The following CTNND2 variants were observed in gnomAD, a reference collection of about 807,000 sequenced individuals.
CTNND2 encodes catenin delta 2, also known as catenin delta-2.
CTNND2 carries 22 observed loss-of-function variants against 144.4 expected under a neutral mutation model. That is an observed-to-expected ratio of 0.15 (90% confidence interval 0.11 to 0.22). The LOEUF (loss-of-function observed/expected upper bound fraction) is 0.22. CTNND2 is among the 10% of genes least tolerant of loss of function. The probability of loss-of-function intolerance (pLI) is 1.00; values close to 1 mark genes in which losing one functional copy is unlikely to be tolerated. For missense variants in CTNND2, 1,353 were observed against 1,618.8 expected (o/e 0.84, Z 2.82); for synonymous variants, 751 against 695.6 (o/e 1.08, Z -1.25).
chr5:11,335,133 T>C (rs1327985444), intron 9 of CTNND2, among the ~76,000 whole-genome samples: 1 of 152,224 alleles, frequency 6.6e-6, no homozygotes, highest in Non-Finnish European at 1.5e-5. Flanking sequence ...TCGCTGAACA[T>C]GTTCTTCAGT....
intron 10 of CTNND2, among the ~76,000 whole-genome samples, chr5:11,211,387 C>T (rs1738617077): frequency 6.6e-6 from 1 of 152,236 alleles, no homozygotes; most frequent in Non-Finnish European, 1.5e-5. Context: ...TGAGGACAGA[C>T]TGACCATCAG....
At chr5:11,421,600 C>A (rs573682897) in intron 3 of CTNND2, among the ~76,000 whole-genome samples, 2 of 152,102 alleles carry the variant, frequency 1.3e-5, no homozygotes, top group Middle Eastern at 3.4e-3. Context: ...CAAAATGGGG[C>A]CAATATGGGG....
chr5:11,812,623 A>C (rs1792399162), intron 1 of CTNND2, among the ~76,000 whole-genome samples: 2 of 152,182 alleles, frequency 1.3e-5, no homozygotes, highest in Non-Finnish European at 2.9e-5. Context: ...AAATACAAGC[A>C]AGTTGTTGGA....
At chr5:11,862,490 C>T (rs1033618590) in intron 1 of CTNND2, among the ~76,000 whole-genome samples, 5 of 152,110 alleles carry the variant, frequency 3.3e-5, no homozygotes, top group Non-Finnish European at 7.4e-5. Flanking sequence ...GACTTCTTCC[C>T]AAAAGTACAT....
intron 3 of CTNND2, among the ~76,000 whole-genome samples, chr5:11,480,646 A>ATGTG (rs58951106): frequency 0.025 from 3,750 of 149,088 alleles, 154 homozygotes; most frequent in African/African-American, 0.086. Flanking sequence ...AAATACATAT[A>ATGTG]TGTGTGTGTG....
intron 9 of CTNND2, among the ~76,000 whole-genome samples, chr5:11,241,649 T>G (rs1357495607): frequency 6.6e-6 from 1 of 152,240 alleles, no homozygotes; most frequent in Non-Finnish European, 1.5e-5. Context: ...ATGATTTATC[T>G]CCAAGGCTCT....
chr5:11,229,672 G>GTGTA (rs764623509), intron 10 of CTNND2, among the ~76,000 whole-genome samples: 5,471 of 147,590 alleles, frequency 0.037, 156 homozygotes, highest in African/African-American at 0.075. Flanking sequence ...GTGTGTGTGT[G>GTGTA]TATATATATA....
intron 9 of CTNND2, among the ~76,000 whole-genome samples, chr5:11,250,483 C>CTA (rs1265877831): frequency 0.012 from 800 of 65,124 alleles, 5 homozygotes; most frequent in African/African-American, 0.038. Flanking sequence ...CTCTCTCTCT[C>CTA]TCTCTCTCTA....
intron 3 of CTNND2, among the ~76,000 whole-genome samples, chr5:11,433,143 G>A (rs1763445842): frequency 6.6e-6 from 1 of 151,708 alleles, no homozygotes; most frequent in African/African-American, 2.4e-5. Flanking sequence ...CTACTTGGGA[G>A]GCTGAGGCAG....
At chr5:11,155,256 A>G (rs993200937) in intron 12 of CTNND2, among the ~76,000 whole-genome samples, 2 of 152,224 alleles carry the variant, frequency 1.3e-5, no homozygotes, top group South Asian at 2.1e-4. Context: ...ATGTGCAAGG[A>G]AACAACAATG....
intron 17 of CTNND2, among the ~76,000 whole-genome samples, chr5:11,020,073 T>G (rs1742078929): frequency 6.6e-6 from 1 of 152,164 alleles, no homozygotes; most frequent in Non-Finnish European, 1.5e-5. Context: ...GTTGGTGCAG[T>G]TCATTGTGGC....
intron 9 of CTNND2, among the ~76,000 whole-genome samples, chr5:11,311,623 C>T (rs1331414814): frequency 3.3e-4 from 49 of 149,986 alleles, no homozygotes; most frequent in African/African-American, 1.1e-3. Context: ...CCCATGCACC[C>T]TCACCCCACA....
intron 3 of CTNND2, among the ~76,000 whole-genome samples, chr5:11,460,959 G>A (rs1171883279): frequency 6.6e-6 from 1 of 151,986 alleles, no homozygotes; most frequent in Non-Finnish European, 1.5e-5. Context: ...TGAGGCAAGA[G>A]AAGTGCTTTA....
At chr5:11,002,106 C>T (rs1740019505) in intron 18 of CTNND2, among the ~76,000 whole-genome samples, 1 of 152,238 alleles carries the variant, frequency 6.6e-6, no homozygotes, top group South Asian at 2.1e-4. Context: ...GAGTATATTA[C>T]CTTTCTCATT....
chr5:11,809,577 G>A (rs1033189124), intron 1 of CTNND2, among the ~76,000 whole-genome samples: 16 of 152,154 alleles, frequency 1.1e-4, no homozygotes, highest in Non-Finnish European at 2.2e-4. Flanking sequence ...AGGAATAACT[G>A]AGTCAGGGCG....
At chr5:11,396,904 C>T in intron 6 of CTNND2, 127 bp downstream of exon 6, 3 of 829,504 alleles carry the variant, frequency 3.6e-6, no homozygotes, top group Non-Finnish European at 3.8e-6. Context: ...GGGCATTTTC[C>T]CTCAAGTTGA....
chr5:11,860,753 T>C (rs575774249), intron 1 of CTNND2, among the ~76,000 whole-genome samples: 62 of 152,276 alleles, frequency 4.1e-4, no homozygotes, highest in African/African-American at 1.5e-3. Context: ...GTTGTAGCAT[T>C]TAAATACAAT....
chr5:11,744,265 G>A (rs955944741), intron 1 of CTNND2, among the ~76,000 whole-genome samples: 1 of 152,228 alleles, frequency 6.6e-6, no homozygotes, highest in Non-Finnish European at 1.5e-5. Context: ...GGTTAAGGGT[G>A]AATCAATTGC....
chr5:11,308,961 C>T (rs189119889), intron 9 of CTNND2, among the ~76,000 whole-genome samples: 48 of 152,288 alleles, frequency 3.2e-4, no homozygotes, highest in African/African-American at 9.4e-4. Flanking sequence ...CAAAGGGGAA[C>T]GTGGCACACA....
Sources: gnomAD v4.1 joint callset for allele counts (sites outside exome capture counted in the v4.1 genomes callset) on GRCh38, gnomAD v4.1.1 for gene constraint, MANE v1.5 for transcripts, NCBI Gene and HGNC (gene_info 2026-07-23, HGNC 2026-07-21) for gene names.